CADPS: variants seen among roughly 807,000 people sequenced by gnomAD.
The protein encoded by CADPS is calcium-dependent secretion activator 1.
In CADPS, 57 loss-of-function variants were observed where a neutral mutation model predicts 167.3. The observed-to-expected ratio is 0.34, with a 90% CI of 0.28 to 0.42. The LOEUF is 0.42. Ranked by LOEUF, CADPS falls within the 20% of genes least tolerant of loss-of-function variation. CADPS has a pLI of 1.00. For missense variants in CADPS, 1,414 were observed against 1,738.1 expected (o/e 0.81, Z 3.32); for synonymous variants, 676 against 635.3 (o/e 1.06, Z -0.96).
At chr3:62,819,807 A>G (rs1053470124) in intron 1 of CADPS, among the ~76,000 whole-genome samples, 1 of 152,192 alleles carries the variant, frequency 6.6e-6, no homozygotes, top group Admixed American at 6.5e-5. Context: ...CCTGGGAACA[A>G]TAAGTACTGT....
intron 11 of CADPS, among the ~76,000 whole-genome samples, chr3:62,548,414 G>A: frequency 6.6e-6 from 1 of 152,168 alleles, no homozygotes; most frequent in Non-Finnish European, 1.5e-5. Flanking sequence ...GAAACTCACA[G>A]CCATTATATG....
intron 11 of CADPS, among the ~76,000 whole-genome samples, chr3:62,536,907 T>G (rs2074794865): frequency 6.6e-6 from 1 of 152,158 alleles, no homozygotes. Flanking sequence ...TGAAAGCAGA[T>G]CGGATCTTTG....
intron 6 of CADPS, among the ~76,000 whole-genome samples, chr3:62,605,564 C>T (rs2060584181): frequency 6.6e-6 from 1 of 152,194 alleles, no homozygotes; most frequent in Admixed American, 6.5e-5. Context: ...TCAGCGTTAT[C>T]TGGGCAGCAC....
In CADPS at chr3:62,486,522, C is replaced by A. The variant is rs1427245721; in HGVS notation, c.3027-4653G>T. Among the ~76,000 whole-genome samples the A allele has an allele frequency of 4.6e-5, 7 of 150,640 alleles. No individual in the cohort carries two copies. The East Asian group carries it at 1.4e-3, about 29-fold the overall frequency. On this transcript the variant is annotated intron_variant, in intron 21 of 29. Transcript: ENST00000383710. ...GACATTAAAAAATACTTTTTATATGCATATCTGAGGCAGAGTGAGAAAGTG... is the reference window on the plus strand; with the variant it reads ...GACATTAAAAAATACTTTTTATATGAATATCTGAGGCAGAGTGAGAAAGTG...
At chr3:62,516,493 A>G in intron 15 of CADPS, 87 bp downstream of exon 15, 2 of 1,037,188 alleles carry the variant, frequency 1.9e-6, no homozygotes, top group Non-Finnish European at 2.9e-6. Context: ...AAAAATTACA[A>G]CTAGGTCATT....
At chr3:62,871,947 T>C (rs2082706270) in intron 1 of CADPS, among the ~76,000 whole-genome samples, 1 of 152,184 alleles carries the variant, frequency 6.6e-6, no homozygotes, top group Non-Finnish European at 1.5e-5. Context: ...GCCGTGCACA[T>C]AGTAGATACT....
Position 62,625,636 on chromosome 3 carries a change from ATACCTCCTTTTT to A in CADPS, c.1325+20074_1325+20085del. On this transcript the variant is annotated intron_variant, in intron 6 of 29. Transcript: ENST00000383710. ...TTCTTTCTTTTCTCTTCCTCCTTTT[ATACCTCCTTTTT>A]AGAACCTACGTTCCCTACACAGTAC... 2 of 150,928 alleles carry A rather than the reference ATACCTCCTTTTT, an allele frequency of 1.3e-5. 1 individual carries two copies. The highest frequency in any genetic ancestry group is 5.0e-5 in the African/African-American group (2 of 40,274). The allele number at this position is 150,928 out of a possible 1,614,324, so 9.3% of individuals were successfully genotyped here.
chr3:62,856,879 C>T lies in CADPS; in HGVS notation c.441+17710G>A, dbSNP rs924926353. Among the ~76,000 whole-genome samples, 19 of 150,040 alleles carry T rather than the reference C, an allele frequency of 1.3e-4. No individual in the cohort carries two copies. In the South Asian group the frequency reaches 2.7e-3, roughly 22 times the overall value. ...AATATAAAGGTAAAAAAAAAAAACACTATAAGTAGTAGAAGAAGATAGGTA... is the reference window on the plus strand; with the variant it reads ...AATATAAAGGTAAAAAAAAAAAACATTATAAGTAGTAGAAGAAGATAGGTA... On this transcript the variant is annotated intron_variant, in intron 1 of 29. Transcript: ENST00000383710.
chr3:62,749,772 C>T (rs2082284777), intron 3 of CADPS, among the ~76,000 whole-genome samples: 1 of 152,172 alleles, frequency 6.6e-6, no homozygotes, highest in Non-Finnish European at 1.5e-5. Context: ...TGCTTTGCTA[C>T]CTGCCTATGC....
intron 17 of CADPS, chr3:62,500,254 C>T (rs1296693386): frequency 6.6e-6 from 1 of 152,234 alleles, no homozygotes; most frequent in Non-Finnish European, 1.5e-5. Flanking sequence ...CTCCTGGGTT[C>T]AAGTGATCCT....
chr3:62,647,959 GC>G (rs762829088), intron 5 of CADPS, among the ~76,000 whole-genome samples: 18 of 152,244 alleles, frequency 1.2e-4, no homozygotes, highest in Admixed American at 3.3e-4. Context: ...TTTGTCCTTT[GC>G]CCAAGGCCTG....
At chr3:62,677,317 C>A (rs766621079) in intron 3 of CADPS, among the ~76,000 whole-genome samples, 5 of 152,008 alleles carry the variant, frequency 3.3e-5, no homozygotes, top group Admixed American at 1.3e-4. Flanking sequence ...AGCAAAAAAA[C>A]CAAAAAACCA....
intron 3 of CADPS, among the ~76,000 whole-genome samples, chr3:62,703,072 A>G (rs1019450124): frequency 1.3e-5 from 2 of 152,154 alleles, no homozygotes; most frequent in African/African-American, 2.4e-5. Flanking sequence ...AATTCTGTTC[A>G]TAAGCATCTT....
At chr3:62,852,423 C>A (rs6776902) in intron 1 of CADPS, among the ~76,000 whole-genome samples, 1 of 152,046 alleles carries the variant, frequency 6.6e-6, no homozygotes, top group Non-Finnish European at 1.5e-5. Context: ...CTTGGCTCCT[C>A]CCCCATCAGC....
At chr3:62,829,983 C>A (rs2074776883) in intron 1 of CADPS, among the ~76,000 whole-genome samples, 1 of 152,128 alleles carries the variant, frequency 6.6e-6, no homozygotes, top group Admixed American at 6.5e-5. Context: ...TCTTCCCTGT[C>A]TTCTGTCTAC....
Position 62,745,695 on chromosome 3 carries a change from T to C in CADPS, c.888+7746A>G, listed in dbSNP as rs531621412. 8.5e-5 allele frequency among the ~76,000 whole-genome samples: 13 copies of C among 152,310 alleles called. No homozygotes were observed. In the South Asian group the frequency reaches 2.1e-3, roughly 24 times the overall value. ...AGACCTGTGACACTGCTGCACTTTG[T>C]TGAACCAGAAAAAAATGACCAAACA... On this transcript the variant is annotated intron_variant, in intron 3 of 29. Coordinates refer to ENST00000383710, the MANE Select transcript of CADPS (RefSeq NM_003716.4).
intron 1 of CADPS, among the ~76,000 whole-genome samples, chr3:62,866,037 T>A (rs1355944473): frequency 6.6e-6 from 1 of 152,126 alleles, no homozygotes; most frequent in Non-Finnish European, 1.5e-5. Flanking sequence ...TGAAAACTTA[T>A]TTCTTTGGCT....
chr3:62,794,781 A>T lies in CADPS; in HGVS notation c.442-28797T>A, dbSNP rs1036128216. ...TTACAAGACAGACGCAAGGTGGTAA[A>T]AAAAAAAAAAAAAAAAAAAAAATGC... is the stretch of plus-strand genomic sequence containing the variant. On this transcript the variant is annotated intron_variant, in intron 1 of 29. Transcript: ENST00000383710. 1.4e-3 allele frequency among the ~76,000 whole-genome samples: 59 copies of T among 42,572 alleles called. 1 individual carries two copies. The East Asian group carries it at 0.083, about 60-fold the overall frequency. 27.9% of individuals were successfully genotyped at this position (42,572 alleles called of 152,430 possible). A position where few individuals can be genotyped will look rare whatever the true frequency, so the allele number is the denominator to read the frequency against.
chr3:62,753,821 A>G lies in CADPS; in HGVS notation c.556-48T>C, dbSNP rs1255611535. On this transcript the variant is annotated intron_variant, in intron 2 of 29. Transcript: ENST00000383710. This position sits in a 1 kb window ranked among gnomAD's most constrained non-coding sequence, Gnocchi z 4.6. Reference sequence around the variant, plus strand: ...AAGACAGTAGGAGAGTTTACCACAGAGGTACCAGTTCCCTGGGGCTGGACA... The same window carrying G: ...AAGACAGTAGGAGAGTTTACCACAGGGGTACCAGTTCCCTGGGGCTGGACA... The G allele has an allele frequency of 1.3e-6, 2 of 1,538,974 alleles. No individual in the cohort carries two copies. Among genetic ancestry groups the G allele is most frequent in the East Asian group, 4.6e-5 (2 of 43,566 alleles).
Sources: gnomAD v4.1 joint callset for allele counts (sites outside exome capture counted in the v4.1 genomes callset) on GRCh38, gnomAD v4.1.1 for gene constraint, Gnocchi (gnomAD v3.1) non-coding constraint, MANE v1.5 for transcripts, NCBI Gene and HGNC (gene_info 2026-07-23, HGNC 2026-07-21) for gene names.